ROBO2: variants seen among roughly 807,000 people sequenced by gnomAD.
ROBO2 encodes the protein roundabout guidance receptor 2, also known as roundabout homolog 2.
In ROBO2, 53 loss-of-function variants were observed where a neutral mutation model predicts 160.8. The ratio of observed to expected loss-of-function variants is 0.33; its 90% CI spans 0.26 to 0.41. The LOEUF is 0.41. ROBO2 is among the 10% of genes least tolerant of loss of function. ROBO2 has a pLI of 1.00. For missense variants in ROBO2, 1,577 were observed against 1,722.4 expected, an observed-to-expected ratio of 0.92 and a Z score of 1.49; for synonymous variants, 664 against 611.7, an observed-to-expected ratio of 1.09 and a Z score of -1.26.
chr3:76,957,987 T>C lies in ROBO2; in HGVS notation c.110-140027T>C, dbSNP rs72900179. On this transcript the variant is annotated intron_variant, in intron 2 of 26. Coordinates refer to the ROBO2 transcript ENST00000487694. Reference sequence around the variant, plus strand: ...CCCAGTGAAAGAGTCCTTTCCTCTTTTGATTTCTCCTCGCTTTCTACTTTC... The same window carrying C: ...CCCAGTGAAAGAGTCCTTTCCTCTTCTGATTTCTCCTCGCTTTCTACTTTC... Among the ~76,000 whole-genome samples the C allele has an allele frequency of 7.7e-3, 1,167 of 152,342 alleles. 13 individuals are homozygous for C. The highest frequency in any genetic ancestry group is 0.026 in the African/African-American group (1,095 of 41,584).
chr3:77,382,361 T>C (rs201112455), intron 2 of ROBO2, among the ~76,000 whole-genome samples: 1 of 31,020 alleles, frequency 3.2e-5, no homozygotes, highest in Non-Finnish European at 7.3e-5. Context: ...TTTTTTTTTT[T>C]TAAAAAGTCT....
At chr3:77,084,389 A>T (rs2069039283) in intron 1 of ROBO2, among the ~76,000 whole-genome samples, 1 of 152,138 alleles carries the variant, frequency 6.6e-6, no homozygotes, top group African/African-American at 2.4e-5. Flanking sequence ...TATATTGAAT[A>T]TTTTATGGTA....
At chr3:76,174,201 G>A (rs1456020618) in intron 2 of ROBO2, among the ~76,000 whole-genome samples, 3 of 152,082 alleles carry the variant, frequency 2.0e-5, no homozygotes, top group African/African-American at 7.2e-5. Context: ...CCTGCTTTTT[G>A]ATGGGGTTGT....
At chr3:77,101,956 C>G (rs1381340046) in intron 2 of ROBO2, among the ~76,000 whole-genome samples, 1 of 152,186 alleles carries the variant, frequency 6.6e-6, no homozygotes, top group African/African-American at 2.4e-5. Context: ...AGGAGAATCA[C>G]TCGAACCCAG....
rs537547637 is a variant in ROBO2, at chr3:76,618,127, A to C, written c.110-479887A>C. The stretch of plus-strand genomic sequence containing the variant: ...CAGCAAAGACTCACAAACCAGAGCC[A>C]GGGAGGACTAGCTTCTTTCGACCCC... On this transcript the variant is annotated intron_variant, in intron 2 of 26. Coordinates refer to the ROBO2 transcript ENST00000487694. Among the ~76,000 whole-genome samples the C allele has an allele frequency of 1.3e-3, 191 of 151,828 alleles. 4 individuals carry two copies. Among genetic ancestry groups the C allele is most frequent in the African/African-American group, 4.6e-3 (189 of 41,244 alleles).
intron 2 of ROBO2, among the ~76,000 whole-genome samples, chr3:76,315,645 A>G (rs2071955009): frequency 6.6e-6 from 1 of 152,224 alleles, no homozygotes; most frequent in African/African-American, 2.4e-5. Context: ...GATGGTGTCT[A>G]CTGCATAGAA....
intron 2 of ROBO2, among the ~76,000 whole-genome samples, chr3:76,835,512 A>G (rs2109409390): frequency 6.6e-6 from 1 of 150,416 alleles, no homozygotes; most frequent in African/African-American, 2.4e-5. Context: ...AGACTAATAG[A>G]TGTATACATA....
intron 2 of ROBO2, among the ~76,000 whole-genome samples, chr3:76,543,625 C>T (rs2082933694): frequency 6.6e-6 from 1 of 152,102 alleles, no homozygotes; most frequent in African/African-American, 2.4e-5. Context: ...CTTCATGTCT[C>T]ATCTGTGACC....
At chr3:77,145,960 T>A (rs1290709733) in intron 2 of ROBO2, among the ~76,000 whole-genome samples, 1 of 152,086 alleles carries the variant, frequency 6.6e-6, no homozygotes, top group African/African-American at 2.4e-5. Context: ...CCTGAGGTGG[T>A]GATTAGAAAG....
intron 2 of ROBO2, among the ~76,000 whole-genome samples, chr3:76,047,947 G>A (rs552835548): frequency 6.6e-6 from 1 of 152,232 alleles, no homozygotes; most frequent in East Asian, 1.9e-4. Context: ...AATGAATATG[G>A]TTATATTATA....
intron 2 of ROBO2, among the ~76,000 whole-genome samples, chr3:76,683,635 CAT>C (rs2092620563): frequency 1.3e-5 from 2 of 152,020 alleles, no homozygotes; most frequent in African/African-American, 4.8e-5. Context: ...ATTTCTGAGA[CAT>C]ATATTTGAAA....
At chr3:76,131,048 T>C (rs1432798426) in intron 2 of ROBO2, among the ~76,000 whole-genome samples, 1 of 152,190 alleles carries the variant, frequency 6.6e-6, no homozygotes, top group Non-Finnish European at 1.5e-5. Flanking sequence ...CTTATCTTAG[T>C]AATTGATAGA....
chr3:77,477,105 G>A (rs2084106662), intron 2 of ROBO2, among the ~76,000 whole-genome samples: 1 of 151,924 alleles, frequency 6.6e-6, no homozygotes, highest in Non-Finnish European at 1.5e-5. Context: ...TACTAATGAA[G>A]GGTTCTGCAC....
chr3:77,035,659 TGAATC>T (rs1392646940), upstream of ROBO2, among the ~76,000 whole-genome samples: 5 of 151,898 alleles, frequency 3.3e-5, no homozygotes, highest in Non-Finnish European at 5.9e-5. Context: ...CACTTCAAAA[TGAATC>T]GAATCAAATC....
upstream of ROBO2, among the ~76,000 whole-genome samples, chr3:77,039,528 C>T (rs1358404039): frequency 6.6e-6 from 1 of 152,216 alleles, no homozygotes; most frequent in Non-Finnish European, 1.5e-5. Context: ...CCACCTATCC[C>T]CTCCCGAGGC....
chr3:76,412,865 G>A (rs532696735), intron 2 of ROBO2, among the ~76,000 whole-genome samples: 22 of 152,288 alleles, frequency 1.4e-4, no homozygotes, highest in Non-Finnish European at 2.6e-4. Flanking sequence ...TCTCACAGCT[G>A]CACTAGACAG....
In ROBO2 at chr3:76,930,080, G is replaced by A. The variant is rs112079031; in HGVS notation, c.110-167934G>A. Among the ~76,000 whole-genome samples, 1,366 of 152,190 alleles carry A rather than the reference G, an allele frequency of 9.0e-3. 22 individuals carry two copies. Among genetic ancestry groups the A allele is most frequent in the African/African-American group, 0.031 (1,284 of 41,508 alleles). Reference sequence around the variant, plus strand: ...GCTCTGTCACCCGGGCTGGAGTGCAGTGCCGTGATCTCAGCTCACTACAAT... The same window carrying A: ...GCTCTGTCACCCGGGCTGGAGTGCAATGCCGTGATCTCAGCTCACTACAAT... On this transcript the variant is annotated intron_variant, in intron 2 of 26. Transcript: ENST00000487694.
intron 2 of ROBO2, among the ~76,000 whole-genome samples, chr3:77,235,396 AGGCTGGAGTGCAGT>A (rs2087823506): frequency 6.7e-6 from 1 of 149,404 alleles, no homozygotes; most frequent in South Asian, 2.1e-4. Flanking sequence ...TCTGTCGCCC[AGGCTGGAGTGCAGT>A]GGCGCGATCT....
intron 2 of ROBO2, among the ~76,000 whole-genome samples, chr3:76,991,716 C>T (rs1043732171): frequency 6.6e-6 from 1 of 152,142 alleles, no homozygotes; most frequent in South Asian, 2.1e-4. Flanking sequence ...TTGTGCATAG[C>T]ATGAATATCC....
Sources: gnomAD v4.1 joint callset for allele counts (sites outside exome capture counted in the v4.1 genomes callset) on GRCh38, gnomAD v4.1.1 for gene constraint, MANE v1.5 for transcripts, NCBI Gene and HGNC (gene_info 2026-07-23, HGNC 2026-07-21) for gene names.